The following SAMHD1 variants were observed in gnomAD, a reference collection of about 807,000 sequenced individuals.
The protein encoded by SAMHD1 is deoxynucleoside triphosphate triphosphohydrolase SAMHD1.
Under a neutral mutation model 79.6 loss-of-function variants are expected in SAMHD1, and 54 were observed. The observed-to-expected ratio is 0.68, with a 90% confidence interval of 0.55 to 0.85. The LOEUF is 0.85. SAMHD1 is among the 40% of genes least tolerant of loss of function. SAMHD1 has a pLI of 0.00. For synonymous variants in SAMHD1, 260 were observed against 264.1 expected (o/e 0.98, Z 0.15); for missense variants, 663 against 782.7 (o/e 0.85, Z 1.82).
At chr20:36,932,198 G>T (rs1345687546) in intron 4 of SAMHD1, among the ~76,000 whole-genome samples, 2 of 151,660 alleles carry the variant, frequency 1.3e-5, no homozygotes, top group Admixed American at 6.6e-5. Context: ...GAAGGCTGAG[G>T]CAGCTACTTG....
At chr20:36,939,576 C>T (rs1367575846) in intron 3 of SAMHD1, among the ~76,000 whole-genome samples, 1 of 148,052 alleles carries the variant, frequency 6.8e-6, no homozygotes, top group African/African-American at 2.6e-5. Context: ...GCCTAGACAA[C>T]AGAGCAAGAC....
chr20:36,943,971 A>G (rs2063665116), intron 2 of SAMHD1, among the ~76,000 whole-genome samples: 1 of 149,570 alleles, frequency 6.7e-6, no homozygotes, highest in African/African-American at 2.5e-5. Flanking sequence ...CCAGCTACTC[A>G]GGAGGCTGAG....
intron 3 of SAMHD1, among the ~76,000 whole-genome samples, chr20:36,936,824 C>T (rs1265433413): frequency 6.6e-6 from 1 of 151,896 alleles, no homozygotes; most frequent in Non-Finnish European, 1.5e-5. Context: ...CCACGCCTGG[C>T]TAATTTTTCT....
rs376379430 is a variant in SAMHD1, at chr20:36,905,548, G to A, written c.1271-45C>T. On this transcript the variant is annotated intron_variant, in intron 11 of 15. Coordinates refer to ENST00000646673, the MANE Select transcript of SAMHD1 (RefSeq NM_015474.4). ...TCAGTTATATTAAAATAAAAACACA[G>A]AGTTAAAGAATTATATAGTGCTATT... 19 of 1,491,340 alleles carry A rather than the reference G, an allele frequency of 1.3e-5. No individual in the cohort carries two copies. The African/African-American group carries it at 2.5e-4, about 20-fold the overall frequency. The allele number at this position is 1,491,340 out of a possible 1,614,324, so 92.4% of individuals were successfully genotyped here. A position where few individuals can be genotyped will look rare whatever the true frequency, so the allele number is the denominator to read the frequency against.
At chr20:36,936,284 A>G (rs969056970) in intron 3 of SAMHD1, among the ~76,000 whole-genome samples, 1 of 152,000 alleles carries the variant, frequency 6.6e-6, no homozygotes. Context: ...GTACAGCTGA[A>G]CAATGTGTTT....
chr20:36,946,058 G>T (rs908734520), intron 2 of SAMHD1, among the ~76,000 whole-genome samples: 1 of 151,664 alleles, frequency 6.6e-6, no homozygotes, highest in Non-Finnish European at 1.5e-5. Context: ...CGAGGCAAGC[G>T]GATCACTTGA....
chr20:36,921,813 C>T (rs533584700), intron 6 of SAMHD1, among the ~76,000 whole-genome samples: 6 of 151,936 alleles, frequency 3.9e-5, no homozygotes, highest in Middle Eastern at 3.4e-3. Context: ...CTCAGCCTCC[C>T]GAGTAGCTGG....
chr20:36,938,508 C>A (rs934045152), intron 3 of SAMHD1, among the ~76,000 whole-genome samples: 1 of 151,524 alleles, frequency 6.6e-6, no homozygotes, highest in Non-Finnish European at 1.5e-5. Context: ...CCACTGCACT[C>A]CAGCCTGGGC....
chr20:36,918,972 C>G (rs1337985273), intron 7 of SAMHD1, among the ~76,000 whole-genome samples: 1 of 151,756 alleles, frequency 6.6e-6, no homozygotes, highest in Non-Finnish European at 1.5e-5. Flanking sequence ...CCCATCTCTA[C>G]AAAAAATACA....
intron 13 of SAMHD1, among the ~76,000 whole-genome samples, chr20:36,900,154 C>T (rs1014792539): frequency 2.6e-5 from 4 of 151,536 alleles, no homozygotes; most frequent in Non-Finnish European, 4.4e-5. Flanking sequence ...TCAGAGGAGG[C>T]AAGATGTTAA....
intron 15 of SAMHD1, among the ~76,000 whole-genome samples, chr20:36,896,889 G>GACA (rs1231817207): frequency 3.7e-5 from 5 of 134,668 alleles, no homozygotes; most frequent in African/African-American, 1.4e-4. Context: ...TACCCTGACA[G>GACA]GTCTCCTCAT....
At chr20:36,911,139 A>C (rs1356482710) in intron 11 of SAMHD1, 79 bp downstream of exon 11, 1 of 804,334 alleles carries the variant, frequency 1.2e-6, no homozygotes, top group Non-Finnish European at 2.1e-6. Context: ...TAAAAGAAAG[A>C]AAAATAACTC....
intron 2 of SAMHD1, among the ~76,000 whole-genome samples, chr20:36,943,188 C>G (rs1397973483): frequency 6.6e-6 from 1 of 152,080 alleles, no homozygotes; most frequent in East Asian, 1.9e-4. Flanking sequence ...AAGTTGATTG[C>G]ATTGGTACTA....
In SAMHD1 at chr20:36,936,461, C is replaced by T. The variant is rs560213910; in HGVS notation, c.349-1272G>A. Among the ~76,000 whole-genome samples the T allele has an allele frequency of 5.9e-5, 9 of 151,574 alleles. No individual in the cohort carries two copies. In the South Asian group the frequency reaches 1.5e-3, roughly 25 times the overall value. ...TCAGCCTCCCAAATAGCTGGGACTACAGGCATGTACCACCATTCCTAGCTA... is the reference window on the plus strand; with the variant it reads ...TCAGCCTCCCAAATAGCTGGGACTATAGGCATGTACCACCATTCCTAGCTA... On this transcript the variant is annotated intron_variant, in intron 3 of 15. Transcript: ENST00000646673.
chr20:36,911,470 C>G (rs909686043), intron 10 of SAMHD1, 137 bp from the exon 11 acceptor site: 3 of 664,858 alleles, frequency 4.5e-6, no homozygotes, highest in Non-Finnish European at 8.1e-6. Flanking sequence ...GCTTCTCCAC[C>G]GTACTAAATT....
intron 1 of SAMHD1, among the ~76,000 whole-genome samples, chr20:36,948,411 C>G (rs1027471265): frequency 4.6e-5 from 7 of 152,018 alleles, no homozygotes; most frequent in Admixed American, 3.9e-4. Context: ...TACCACCATG[C>G]CCGGCTAATT....
chr20:36,896,103 G>A (rs1347744514), intron 15 of SAMHD1, among the ~76,000 whole-genome samples: 3 of 150,470 alleles, frequency 2.0e-5, no homozygotes, highest in Non-Finnish European at 4.5e-5. Context: ...ACAGAGTCTC[G>A]CTCTGTCACC....
intron 11 of SAMHD1, among the ~76,000 whole-genome samples, chr20:36,910,609 A>C (rs1219216554): frequency 6.6e-6 from 1 of 151,528 alleles, no homozygotes. Context: ...GCATGCCTAT[A>C]ATCTCAGCTA....
intron 9 of SAMHD1, among the ~76,000 whole-genome samples, chr20:36,914,818 G>T (rs183996638): frequency 6.6e-6 from 1 of 151,232 alleles, no homozygotes; most frequent in Non-Finnish European, 1.5e-5. Context: ...ACCAGCCTGG[G>T]GAACATAGCG....
Sources: gnomAD v4.1 joint callset for allele counts (sites outside exome capture counted in the v4.1 genomes callset) on GRCh38, gnomAD v4.1.1 for gene constraint, MANE v1.5 for transcripts, NCBI Gene and HGNC (gene_info 2026-07-23, HGNC 2026-07-21) for gene names.